PHIP: variants seen among roughly 807,000 people sequenced by gnomAD.
PHIP encodes the protein PHIP subunit of CUL4-Ring ligase complex.
PHIP carries 54 observed loss-of-function variants against 236.8 expected under a neutral mutation model. That is an observed-to-expected ratio of 0.23 (90% CI 0.18 to 0.29). PHIP has a LOEUF of 0.29. Among genes scored for constraint, PHIP ranks in the 10% least tolerant of loss-of-function variants. The probability of loss-of-function intolerance (pLI) is 1.00; values close to 1 mark genes in which losing one functional copy is unlikely to be tolerated. For missense variants in PHIP, 1,370 were observed against 2,190.8 expected (o/e 0.63, Z 7.48); for synonymous variants, 756 against 718.9 (o/e 1.05, Z -0.83).
chr6:79,059,625 A>ATATATATATATATATATATATAT (rs1562216779), intron 6 of PHIP, among the ~76,000 whole-genome samples: 10 of 58,194 alleles, frequency 1.7e-4, no homozygotes, highest in African/African-American at 1.9e-4. Context: ...ATATATATAT[A>ATATATATATATATATATATATAT]AAAATGCCAA....
intron 6 of PHIP, among the ~76,000 whole-genome samples, chr6:79,056,111 C>T (rs1436775428): frequency 3.3e-5 from 5 of 152,134 alleles, no homozygotes; most frequent in African/African-American, 1.2e-4. Flanking sequence ...AATGTCTGTC[C>T]TCCAGGACCT....
At chr6:79,030,968 A>G (rs962116726) in intron 7 of PHIP, among the ~76,000 whole-genome samples, 1 of 151,872 alleles carries the variant, frequency 6.6e-6, no homozygotes, top group Non-Finnish European at 1.5e-5. Context: ...TTTTGAGACG[A>G]AGTCTTCCTC....
At chr6:79,072,534 G>A (rs1773940262) in intron 4 of PHIP, among the ~76,000 whole-genome samples, 1 of 151,954 alleles carries the variant, frequency 6.6e-6, no homozygotes, top group Admixed American at 6.6e-5. Flanking sequence ...CACGCTGGAG[G>A]GCAGTGGCAT....
chr6:78,947,275 G>A (rs1773873253), intron 36 of PHIP, among the ~76,000 whole-genome samples: 1 of 152,138 alleles, frequency 6.6e-6, no homozygotes, highest in African/African-American at 2.4e-5. Context: ...TGGTCAGAGT[G>A]TTAAATTATA....
At chr6:79,024,327 A>C (rs1771277876) in intron 9 of PHIP, among the ~76,000 whole-genome samples, 5 of 152,208 alleles carry the variant, frequency 3.3e-5, no homozygotes. Flanking sequence ...TATACATAGC[A>C]GTCAGAGATA....
rs1224865324 is a variant in PHIP at position 78,975,821 on chromosome 6, T to C, written c.2889+2771A>G. Among the ~76,000 whole-genome samples the C allele has an allele frequency of 5.8e-3, 866 of 149,988 alleles. 11 individuals are homozygous for C. The highest frequency in any genetic ancestry group is 0.02 in the African/African-American group (821 of 41,028). On this transcript the variant is annotated intron_variant, in intron 24 of 39. Transcript: ENST00000275034. ...ACCTAGGAATCCAACTTACAAGGGA[T>C]GTGAAGGACCTCTTCAAGGAGAACT...
chr6:78,954,889 T>C lies in PHIP; in HGVS notation c.3978A>G (p.Glu1326=). The stretch of plus-strand genomic sequence containing the variant: ...ATTGAAATATGAGATTTAACAATTC[T>C]TCACACTGTTTCTTCCATGCTTGAA... ...YDIQAWKKQC[E]ELLNLIFQCE... Residue 1326 remains glutamate (E), a synonymous_variant, in exon 35 of 40, where the codon GAA becomes GAG. Transcript: ENST00000275034. 1 of 1,586,706 alleles carries C rather than the reference T, an allele frequency of 6.3e-7. No homozygotes were observed. Among genetic ancestry groups the C allele is most frequent in the Non-Finnish European group, 8.6e-7 (1 of 1,167,896 alleles).
intron 20 of PHIP, among the ~76,000 whole-genome samples, chr6:78,990,312 AG>A (rs1167774482): frequency 6.6e-6 from 1 of 152,226 alleles, no homozygotes; most frequent in Non-Finnish European, 1.5e-5. Context: ...CTTCACACTC[AG>A]GAAGTACGTA....
Position 79,077,688 on chromosome 6 carries a change from C to G in PHIP, c.129+12G>C. 1.0e-6 allele frequency: 1 copy of G among 997,682 alleles called. No homozygotes were observed. Among genetic ancestry groups the G allele is most frequent in the Non-Finnish European group, 1.2e-6 (1 of 840,528 alleles). 61.8% of individuals were successfully genotyped at this position (997,682 alleles called of 1,614,324 possible). Reference sequence around the variant, plus strand: ...GCGGCGGCGGGACGCGCCGGGCCGCCGCCGCCCTTACCTCCTTCTCGGCCA... The same window carrying G: ...GCGGCGGCGGGACGCGCCGGGCCGCGGCCGCCCTTACCTCCTTCTCGGCCA... On this transcript the variant is annotated intron_variant, in intron 3 of 39. Transcript: ENST00000275034.
At chr6:78,998,610 T>C (rs1295477071) in intron 17 of PHIP, among the ~76,000 whole-genome samples, 1 of 152,156 alleles carries the variant, frequency 6.6e-6, no homozygotes, top group African/African-American at 2.4e-5. Flanking sequence ...TTGCTAACTT[T>C]TACTAAGTGT....
At chr6:79,005,334 C>A (rs1232660630) in intron 15 of PHIP, among the ~76,000 whole-genome samples, 2 of 151,668 alleles carry the variant, frequency 1.3e-5, no homozygotes, top group Non-Finnish European at 2.9e-5. Context: ...TCCAGATTAC[C>A]ATAAGGGCAC....
intron 27 of PHIP, 86 bp downstream of exon 27, chr6:78,969,733 ATTTCTCTGATAATCTT>A (rs1186369211): frequency 1.8e-6 from 1 of 564,668 alleles, no homozygotes; most frequent in Non-Finnish European, 3.0e-6. Flanking sequence ...TAGCAAAAAG[ATTTCTCTGATAATCTT>A]TTTCTCAATT....
At chr6:79,060,417 T>C in intron 6 of PHIP, 61 bp downstream of exon 6, 1 of 1,167,258 alleles carries the variant, frequency 8.6e-7, no homozygotes, top group Non-Finnish European at 1.2e-6. Flanking sequence ...AAAAAACCTT[T>C]TCATTTTCAA....
chr6:79,055,572 G>A (rs879684468), intron 6 of PHIP, among the ~76,000 whole-genome samples: 4 of 152,158 alleles, frequency 2.6e-5, no homozygotes, highest in South Asian at 4.1e-4. Context: ...AATAACAACA[G>A]ATCAGTGGGA....
At position 78,998,161 on chromosome 6, in the gene PHIP, G is replaced by T. The variant is rs190977753; in HGVS notation, c.2017+93C>A. On this transcript the variant is annotated intron_variant, in intron 18 of 39. Coordinates refer to ENST00000275034, the MANE Select transcript of PHIP (RefSeq NM_017934.7). ...CAACCTAATATTTCATTTTACGGAT[G>T]TACCATAATTTTTTTAAACCACTTA... 89 of 871,190 alleles carry T rather than the reference G, an allele frequency of 1.0e-4. No individual in the cohort carries two copies. The Admixed American group carries it at 2.0e-3, about 20-fold the overall frequency. The allele number at this position is 871,190 out of a possible 1,614,324, so 54.0% of individuals were successfully genotyped here.
At chr6:78,998,807 TA>T (rs569664078) in intron 17 of PHIP, among the ~76,000 whole-genome samples, 1 of 151,928 alleles carries the variant, frequency 6.6e-6, no homozygotes, top group African/African-American at 2.4e-5. Context: ...CCCATTTTCT[TA>T]AAAAAAATGT....
chr6:79,028,517 A>C (rs1771512917), intron 7 of PHIP, among the ~76,000 whole-genome samples: 1 of 152,234 alleles, frequency 6.6e-6, no homozygotes, highest in African/African-American at 2.4e-5. Context: ...GCTGTAGCAG[A>C]CTATGACTCC....
At chr6:79,053,828 C>T (rs796330179) in intron 6 of PHIP, among the ~76,000 whole-genome samples, 10 of 152,284 alleles carry the variant, frequency 6.6e-5, no homozygotes, top group African/African-American at 2.4e-4. Flanking sequence ...TTCCTAATTA[C>T]TACTGGAATT....
At chr6:78,998,482 C>A in intron 17 of PHIP, 91 bp from the exon 18 acceptor site, 1 of 943,090 alleles carries the variant, frequency 1.1e-6, no homozygotes. Context: ...CAGAATTAAA[C>A]ATAAATGTTG....
Sources: allele counts gnomAD v4.1 joint callset (sites outside exome capture counted in the v4.1 genomes callset), GRCh38; gene constraint gnomAD v4.1.1; transcripts MANE v1.5; gene names NCBI Gene and HGNC (gene_info 2026-07-23, HGNC 2026-07-21).